Variants in AKT3 observed in about 807,000 individuals in gnomAD.
The protein encoded by AKT3 is RAC-gamma serine/threonine-protein kinase.
A neutral mutation model predicts 65.3 loss-of-function variants in AKT3; 15 were observed. The ratio of observed to expected loss-of-function variants is 0.23; its 90% CI spans 0.15 to 0.35. The LOEUF is 0.35. Ranked by LOEUF, AKT3 falls within the 10% of genes least tolerant of loss-of-function variation. The pLI, the probability that AKT3 is intolerant of heterozygous loss-of-function variation, is 1.00. For synonymous variants in AKT3, 206 were observed against 183.8 expected (o/e 1.12, Z -0.98); for missense variants, 243 against 576.5 (o/e 0.42, Z 5.92).
intron 13 of AKT3, among the ~76,000 whole-genome samples, chr1:243,511,710 C>T (rs1272812123): frequency 3.9e-5 from 6 of 152,198 alleles, no homozygotes; most frequent in South Asian, 2.1e-4. Context: ...TCCCTCATTA[C>T]AGCTCCACTT....
At chr1:243,641,795 G>A (rs1680412527) in intron 5 of AKT3, among the ~76,000 whole-genome samples, 1 of 152,020 alleles carries the variant, frequency 6.6e-6, no homozygotes, top group South Asian at 2.1e-4. Context: ...AATTAGCCAA[G>A]TGCAGTGGCA....
intron 8 of AKT3, among the ~76,000 whole-genome samples, chr1:243,598,287 T>C (rs941231660): frequency 6.6e-6 from 1 of 152,188 alleles, no homozygotes; most frequent in Non-Finnish European, 1.5e-5. Flanking sequence ...TATATAATAG[T>C]TGAATAATCT....
intron 12 of AKT3, among the ~76,000 whole-genome samples, chr1:243,522,231 G>A (rs1670763928): frequency 6.6e-6 from 1 of 152,202 alleles, no homozygotes; most frequent in Non-Finnish European, 1.5e-5. Context: ...AACATCAGCA[G>A]TGTGGCAGCC....
intron 2 of AKT3, among the ~76,000 whole-genome samples, chr1:243,703,276 CAATT>C (rs1476630620): frequency 1.3e-5 from 2 of 152,046 alleles, no homozygotes; most frequent in African/African-American, 2.4e-5. Flanking sequence ...TATCAGTAAT[CAATT>C]ATAGTTGCTG....
intron 2 of AKT3, among the ~76,000 whole-genome samples, chr1:243,696,400 C>T (rs1021458362): frequency 6.6e-6 from 1 of 151,840 alleles, no homozygotes; most frequent in Admixed American, 6.6e-5. Context: ...TTTATTAGAA[C>T]TTAACATAAG....
chr1:243,837,656 A>G (rs879828653), intron 2 of AKT3, among the ~76,000 whole-genome samples: 64 of 152,216 alleles, frequency 4.2e-4, no homozygotes, highest in Non-Finnish European at 3.5e-4. Context: ...TGACCATTTC[A>G]ATAGAAGCAG....
At chr1:243,530,771 C>G (rs1413577640) in intron 12 of AKT3, among the ~76,000 whole-genome samples, 1 of 152,054 alleles carries the variant, frequency 6.6e-6, no homozygotes, top group East Asian at 1.9e-4. Context: ...AGACTGCTAG[C>G]TAGAATAACT....
At chr1:243,638,273 AAGC>A (rs1357568871) in intron 5 of AKT3, among the ~76,000 whole-genome samples, 1 of 152,174 alleles carries the variant, frequency 6.6e-6, no homozygotes, top group African/African-American at 2.4e-5. Flanking sequence ...AAATCAAAGA[AAGC>A]AGTTGTTATT....
intron 3 of AKT3, among the ~76,000 whole-genome samples, chr1:243,681,712 T>C (rs1488257260): frequency 6.6e-6 from 1 of 152,152 alleles, no homozygotes; most frequent in African/African-American, 2.4e-5. Context: ...TATGATTAAA[T>C]GCATTCAAAC....
intron 3 of AKT3, among the ~76,000 whole-genome samples, chr1:243,679,006 TTC>T (rs1349642286): frequency 1.3e-5 from 2 of 152,130 alleles, no homozygotes; most frequent in Non-Finnish European, 2.9e-5. Context: ...GACTAACGCC[TTC>T]TCTTTCTCCT....
chr1:243,586,313 A>C (rs191322282), intron 8 of AKT3, among the ~76,000 whole-genome samples: 118 of 151,850 alleles, frequency 7.8e-4, no homozygotes, highest in Non-Finnish European at 1.4e-3. Context: ...ACATTAATTC[A>C]GCCACTATGG....
chr1:243,635,320 T>A (rs531273578), intron 6 of AKT3, among the ~76,000 whole-genome samples: 5 of 151,836 alleles, frequency 3.3e-5, no homozygotes, highest in Middle Eastern at 3.4e-3. Context: ...TAAATGCTTA[T>A]ACTAAATAAG....
intron 4 of AKT3, among the ~76,000 whole-genome samples, chr1:243,651,707 T>C (rs1298409967): frequency 4.6e-5 from 7 of 152,192 alleles, no homozygotes; most frequent in African/African-American, 1.7e-4. Flanking sequence ...TATTGATTTG[T>C]GTATGTTGCA....
At chr1:243,835,044 T>C (rs1694804163) in intron 2 of AKT3, among the ~76,000 whole-genome samples, 5 of 152,160 alleles carry the variant, frequency 3.3e-5, no homozygotes, top group Admixed American at 6.6e-5. Flanking sequence ...ATACTAACCC[T>C]ACATAGACTG....
rs149979095 is a variant in AKT3 at position 243,755,358 on chromosome 1, G to A, written c.47-59642C>T. On this transcript the variant is annotated intron_variant, in intron 2 of 13. Transcript: ENST00000673466. ...CAAAGTGCTAGGATTACAGGCATAA[G>A]TCGCCGTGCCCGGTCTCCTTTTTAA... Among the ~76,000 whole-genome samples, 13 of 151,832 alleles carry A rather than the reference G, an allele frequency of 8.6e-5. No individual in the cohort carries two copies. In the East Asian group the frequency reaches 2.5e-3, roughly 30 times the overall value.
chr1:243,505,096 G>T lies in AKT3; in HGVS notation c.*153C>A. On this transcript the variant is annotated 3_prime_UTR_variant, in exon 14 of 14. Coordinates refer to ENST00000673466, the MANE Select transcript of AKT3 (RefSeq NM_005465.7). Reference sequence around the variant, plus strand: ...TATTTGCGTGTATGTGTGTTTTCATGAGGGTGAAAGGTGGCGAGGGGTGAG... The same window carrying T: ...TATTTGCGTGTATGTGTGTTTTCATTAGGGTGAAAGGTGGCGAGGGGTGAG... 1.6e-6 allele frequency: 1 copy of T among 621,840 alleles called. No homozygotes were observed. The highest frequency in any genetic ancestry group is 2.8e-6 in the Non-Finnish European group (1 of 353,982). 38.5% of individuals were successfully genotyped at this position (621,840 alleles called of 1,614,324 possible).
chr1:243,665,469 T>G (rs964027639), intron 3 of AKT3, among the ~76,000 whole-genome samples: 6 of 152,210 alleles, frequency 3.9e-5, no homozygotes, highest in African/African-American at 1.4e-4. Flanking sequence ...ACTCTTAGTA[T>G]CCACTGCCCC....
intron 2 of AKT3, among the ~76,000 whole-genome samples, chr1:243,825,828 CT>C (rs1224454227): frequency 1.3e-5 from 2 of 151,940 alleles, no homozygotes; most frequent in African/African-American, 2.4e-5. Context: ...CCAAAACTAT[CT>C]TTTTTTTAAG....
chr1:243,805,605 T>C (rs1410071370), intron 2 of AKT3, among the ~76,000 whole-genome samples: 1 of 152,204 alleles, frequency 6.6e-6, no homozygotes, highest in East Asian at 1.9e-4. Flanking sequence ...GATATTTCTT[T>C]TATTGTCAAA....
Sources: allele counts gnomAD v4.1 joint callset (sites outside exome capture counted in the v4.1 genomes callset), GRCh38; gene constraint gnomAD v4.1.1; transcripts MANE v1.5; gene names NCBI Gene and HGNC (gene_info 2026-07-23, HGNC 2026-07-21).